The following KLHL13 variants were observed in gnomAD, a reference collection of about 807,000 sequenced individuals.
KLHL13 encodes kelch-like protein 13.
Under a neutral mutation model 37.1 loss-of-function variants are expected in KLHL13, and 10 were observed. The ratio of observed to expected loss-of-function variants is 0.27; its 90% CI spans 0.17 to 0.46. The LOEUF is 0.46. Among genes scored for constraint, KLHL13 ranks in the 20% least tolerant of loss-of-function variants. KLHL13 has a pLI of 1.00. For synonymous variants in KLHL13, 163 were observed against 181.2 expected (o/e 0.90, Z 0.81); for missense variants, 360 against 509.3 (o/e 0.71, Z 2.82).
At chrX:118,029,072 T>A (rs1351957949) in intron 1 of KLHL13, among the ~76,000 whole-genome samples, 1 of 111,388 alleles carries the variant, frequency 9.0e-6, no homozygotes, top group East Asian at 2.8e-4. Flanking sequence ...TTTTCAGGCA[T>A]CCACTGGGGG....
intron 1 of KLHL13, among the ~76,000 whole-genome samples, chrX:117,995,766 C>T (rs185479033): frequency 5.3e-4 from 59 of 111,653 alleles, no homozygotes; most frequent in African/African-American, 1.9e-3. Flanking sequence ...ATCATTTGTG[C>T]TTGGCTCCTT....
At chrX:117,935,289 G>C (rs1182481836) in intron 2 of KLHL13, among the ~76,000 whole-genome samples, 1 of 112,431 alleles carries the variant, frequency 8.9e-6, no homozygotes, top group African/African-American at 3.2e-5. Context: ...AGAAAGGAAG[G>C]AAGCATGTTA....
At chrX:117,963,150 A>G (rs1436287640) in intron 1 of KLHL13, among the ~76,000 whole-genome samples, 1 of 111,983 alleles carries the variant, frequency 8.9e-6, no homozygotes, top group Non-Finnish European at 1.9e-5. Flanking sequence ...GAACTATATT[A>G]TAAGAAATCC....
At chrX:117,925,116 G>C (rs1266219768) in intron 2 of KLHL13, among the ~76,000 whole-genome samples, 1 of 110,437 alleles carries the variant, frequency 9.1e-6, no homozygotes, top group Non-Finnish European at 1.9e-5. Context: ...TGATATTACA[G>C]GATTATAACA....
chrX:118,091,609 T>C (rs1003162394), intron 1 of KLHL13, among the ~76,000 whole-genome samples: 2 of 109,224 alleles, frequency 1.8e-5, no homozygotes, highest in African/African-American at 6.7e-5. Flanking sequence ...AAAGATAAAA[T>C]AAACTGAAAA....
intron 1 of KLHL13, among the ~76,000 whole-genome samples, chrX:118,112,110 GCT>G (rs1432220965): frequency 8.9e-6 from 1 of 111,978 alleles, no homozygotes; most frequent in Non-Finnish European, 1.9e-5. Context: ...CAGAGCTTGA[GCT>G]CTTAACAAGT....
At chrX:117,966,658 T>C (rs1602606546) in intron 1 of KLHL13, among the ~76,000 whole-genome samples, 1 of 111,099 alleles carries the variant, frequency 9.0e-6, no homozygotes, top group Non-Finnish European at 1.9e-5. Flanking sequence ...GACTTCAAAC[T>C]ATACTACAAG....
chrX:118,072,670 G>T (rs1473065108), intron 1 of KLHL13, among the ~76,000 whole-genome samples: 1 of 111,895 alleles, frequency 8.9e-6, no homozygotes, highest in Non-Finnish European at 1.9e-5. Context: ...AGTGGGCGAA[G>T]GACATGAACA....
intron 1 of KLHL13, among the ~76,000 whole-genome samples, chrX:118,036,854 G>A (rs1301140549): frequency 1.9e-5 from 2 of 107,737 alleles, no homozygotes; most frequent in African/African-American, 6.8e-5. Context: ...TCTGACAAAG[G>A]GCTAATATCC....
At chrX:118,021,574 AT>A (rs1006158475) in intron 1 of KLHL13, among the ~76,000 whole-genome samples, 2 of 110,359 alleles carry the variant, frequency 1.8e-5, no homozygotes, top group African/African-American at 6.7e-5. Context: ...TGAACTCATC[AT>A]TTTTTATGGC....
chrX:118,085,583 T>A (rs2148137599), intron 1 of KLHL13, among the ~76,000 whole-genome samples: 1 of 110,233 alleles, frequency 9.1e-6, no homozygotes, highest in South Asian at 4.0e-4. Context: ...CTCATTCTCC[T>A]CCCAATCTCC....
intron 1 of KLHL13, among the ~76,000 whole-genome samples, chrX:118,080,273 G>A (rs996684073): frequency 9.0e-6 from 1 of 111,409 alleles, no homozygotes; most frequent in Non-Finnish European, 1.9e-5. Context: ...TTTGACAAAC[G>A]AGACCTAATT....
chrX:118,113,846 T>G (rs767881402), intron 1 of KLHL13, among the ~76,000 whole-genome samples: 9 of 112,517 alleles, frequency 8.0e-5, no homozygotes, highest in Non-Finnish European at 1.5e-4. Context: ...GCAAAGATCA[T>G]GCCTTATAAG....
intron 1 of KLHL13, among the ~76,000 whole-genome samples, chrX:118,004,415 C>T (rs1383307069): frequency 9.0e-6 from 1 of 111,471 alleles, no homozygotes; most frequent in Non-Finnish European, 1.9e-5. Flanking sequence ...AACCATGATG[C>T]CTGATTCCAG....
chrX:118,039,278 G>C (rs150859014), intron 1 of KLHL13, among the ~76,000 whole-genome samples: 337 of 111,951 alleles, frequency 3.0e-3, no homozygotes, highest in African/African-American at 4.7e-3. Context: ...GACCAAGCAG[G>C]CTCCTACAGT....
chrX:118,101,229 C>CT (rs1259228706), intron 1 of KLHL13, among the ~76,000 whole-genome samples: 1 of 111,954 alleles, frequency 8.9e-6, no homozygotes, highest in Admixed American at 9.5e-5. Context: ...GGAAAATACT[C>CT]TAAGTACTGC....
chrX:118,053,790 T>A (rs2054644855), intron 1 of KLHL13, among the ~76,000 whole-genome samples: 1 of 70,876 alleles, frequency 1.4e-5, no homozygotes, highest in African/African-American at 6.7e-5. Context: ...TGTGTGTGTG[T>A]GTGTGTGTGA....
At chrX:117,914,656 T>C (rs570554296) in intron 4 of KLHL13, among the ~76,000 whole-genome samples, 2 of 111,914 alleles carry the variant, frequency 1.8e-5, no homozygotes, top group Admixed American at 9.5e-5. Context: ...AAAGGGATAA[T>C]TGAATAATAA....
At chrX:117,920,694 C>G (rs1931646713) in intron 2 of KLHL13, among the ~76,000 whole-genome samples, 1 of 111,712 alleles carries the variant, frequency 9.0e-6, no homozygotes, top group Non-Finnish European at 1.9e-5. Flanking sequence ...TCTACTTTCC[C>G]ATCTGCAGAA....
Sources: allele counts gnomAD v4.1 joint callset (sites outside exome capture counted in the v4.1 genomes callset), GRCh38; gene constraint gnomAD v4.1.1; transcripts MANE v1.5; gene names NCBI Gene and HGNC (gene_info 2026-07-23, HGNC 2026-07-21).